The following RREB1 variants were observed in gnomAD, a reference collection of about 807,000 sequenced individuals.
The protein encoded by RREB1 is ras responsive element binding protein 1.
In RREB1, 27 loss-of-function variants were observed where a neutral mutation model predicts 117.8. The ratio of observed to expected loss-of-function variants is 0.23; its 90% CI spans 0.17 to 0.32. RREB1 has a LOEUF of 0.32. RREB1 is among the 10% of genes least tolerant of loss of function. The probability of loss-of-function intolerance (pLI) is 1.00; values close to 1 mark genes in which losing one functional copy is unlikely to be tolerated. For missense variants in RREB1, 2,577 were observed against 2,378.2 expected, an observed-to-expected ratio of 1.08 and a Z score of -1.74; for synonymous variants, 1,298 against 1,026.7, an observed-to-expected ratio of 1.26 and a Z score of -5.05.
At chr6:7,151,962 G>A (rs1249015195) in intron 1 of RREB1, among the ~76,000 whole-genome samples, 3 of 152,240 alleles carry the variant, frequency 2.0e-5, no homozygotes, top group Non-Finnish European at 4.4e-5. Flanking sequence ...GAAACTATGT[G>A]AAATCACTTT....
At chr6:7,183,333 C>G (rs1482725035) in intron 4 of RREB1, 5 of 152,232 alleles carry the variant, frequency 3.3e-5, no homozygotes, top group Non-Finnish European at 7.3e-5. Context: ...TATTTCCACT[C>G]TCATGTGACT....
intron 6 of RREB1, among the ~76,000 whole-genome samples, chr6:7,200,242 ATATG>A (rs1160759073): frequency 1.2e-3 from 129 of 104,446 alleles, no homozygotes; most frequent in Non-Finnish European, 2.0e-3. Flanking sequence ...GTATGTGTGT[ATATG>A]TGTGTGTGTG....
At chr6:7,109,031 G>T (rs559579354) in intron 1 of RREB1, among the ~76,000 whole-genome samples, 4 of 151,656 alleles carry the variant, frequency 2.6e-5, no homozygotes, top group South Asian at 2.1e-4. Context: ...GGGCGGGGGG[G>T]GTGGGGGGCT....
intron 1 of RREB1, among the ~76,000 whole-genome samples, chr6:7,132,153 C>G (rs1056205384): frequency 2.0e-5 from 3 of 152,306 alleles, no homozygotes; most frequent in Middle Eastern, 3.4e-3. Context: ...CTCCCGGGTT[C>G]AAGCGATTCT....
rs137865650 is a variant in RREB1, at chr6:7,117,912, T to C, written c.-285+9852T>C. On this transcript the variant is annotated intron_variant, in intron 1 of 12. Coordinates refer to ENST00000379938, the MANE Select transcript of RREB1 (RefSeq NM_001003699.4). The stretch of plus-strand genomic sequence containing the variant: ...ATTTAAAAAAGCAAAAAGAAGAAAA[T>C]GACATAGTGTGTGGAAGTTCTTGGT... 1.0e-3 allele frequency among the ~76,000 whole-genome samples: 159 copies of C among 152,026 alleles called. 1 individual carries two copies. Among genetic ancestry groups the C allele is most frequent in the African/African-American group, 3.7e-3 (152 of 41,454 alleles).
chr6:7,110,628 G>C (rs1761096589), intron 1 of RREB1, among the ~76,000 whole-genome samples: 1 of 152,090 alleles, frequency 6.6e-6, no homozygotes, highest in South Asian at 2.1e-4. Context: ...TTTTAAATGT[G>C]TTAAAAAAAT....
rs563589962 is a variant in RREB1, at chr6:7,231,813, G to A, written c.3714G>A (p.Ser1238=). Residue 1238 remains serine, a synonymous_variant, in exon 10 of 13, where the codon TCG becomes TCA. Coordinates refer to ENST00000379938, the MANE Select transcript of RREB1 (RefSeq NM_001003699.4). ...EDKLLRAKRN[S]YTNCLQKITC... is the part of the protein sequence containing the mutation. ...AGCTGCTGAGGGCCAAGCGGAACTC[G>A]TACACCAACTGCCTGCAGAAGATCA... 3.2e-5 allele frequency: 51 copies of A among 1,613,656 alleles called. 1 individual carries two copies. The highest frequency in any genetic ancestry group is 2.3e-4 in the African/African-American group (17 of 75,042).
rs557555160 is a variant in RREB1 at position 7,234,542 on chromosome 6, C to T, written c.3808+2635C>T. Among the ~76,000 whole-genome samples the T allele has an allele frequency of 2.9e-4, 44 of 152,348 alleles. No homozygotes were observed. In the South Asian group the frequency reaches 9.1e-3, roughly 32 times the overall value. On this transcript the variant is annotated intron_variant, in intron 10 of 12. Transcript: ENST00000379938. Reference sequence around the variant, plus strand: ...TCAGTGTTGGTTTAAAATTTAGTAGCATCTGAAACTGAGCAAGAAAGCAGG... The same window carrying T: ...TCAGTGTTGGTTTAAAATTTAGTAGTATCTGAAACTGAGCAAGAAAGCAGG...
intron 11 of RREB1, among the ~76,000 whole-genome samples, chr6:7,242,700 A>AGGG (rs77140508): frequency 0.021 from 2,765 of 134,448 alleles, 36 homozygotes; most frequent in South Asian, 0.039. Flanking sequence ...CTTAAAAAAA[A>AGGG]GGGGGGGGGG....
intron 1 of RREB1, among the ~76,000 whole-genome samples, chr6:7,156,520 C>T (rs1763371181): frequency 6.6e-6 from 1 of 152,216 alleles, no homozygotes; most frequent in Non-Finnish European, 1.5e-5. Flanking sequence ...ACCTTCCGCA[C>T]TGAGCCACAT....
At chr6:7,147,456 A>T (rs1245597803) in intron 1 of RREB1, among the ~76,000 whole-genome samples, 1 of 152,152 alleles carries the variant, frequency 6.6e-6, no homozygotes, top group Non-Finnish European at 1.5e-5. Context: ...ACGTGTGTAG[A>T]TAACCTTTGA....
At chr6:7,242,751 C>T (rs949746454) in intron 11 of RREB1, among the ~76,000 whole-genome samples, 5 of 147,508 alleles carry the variant, frequency 3.4e-5, no homozygotes, top group African/African-American at 1.0e-4. Flanking sequence ...GTTTTCTAGG[C>T]TTGTATGCCT....
chr6:7,173,575 T>C (rs940540119), intron 1 of RREB1, among the ~76,000 whole-genome samples: 2 of 150,518 alleles, frequency 1.3e-5, no homozygotes, highest in African/African-American at 4.9e-5. Context: ...GGCGGGTAGA[T>C]CACTTGAGGC....
rs1397444555 is a variant in RREB1, at chr6:7,229,874, T to C, written c.1775T>C (p.Met592Thr). Residue 592 changes from methionine to threonine, a missense_variant, in exon 10 of 13, where the codon ATG (methionine) becomes ACG (threonine). Met to Thr is a moderately conservative substitution (Grantham distance 81). Coordinates refer to ENST00000379938, the MANE Select transcript of RREB1 (RefSeq NM_001003699.4). This position sits in a 1 kb window ranked among gnomAD's most constrained non-coding sequence, Gnocchi z 4.5. ...PRAELPGQPEMKTQLEQDSII... is the reference protein window; with the variant it reads ...PRAELPGQPETKTQLEQDSII... ...GCGGAGCTGCCGGGCCAGCCTGAGATGAAGACGCAGCTGGAGCAGGACAGC... is the reference window on the plus strand; with the variant it reads ...GCGGAGCTGCCGGGCCAGCCTGAGACGAAGACGCAGCTGGAGCAGGACAGC... 1.9e-6 allele frequency: 3 copies of C among 1,610,756 alleles called. No homozygotes were observed. Among genetic ancestry groups the C allele is most frequent in the Non-Finnish European group, 2.5e-6 (3 of 1,178,552 alleles).
intron 8 of RREB1, chr6:7,214,886 C>T (rs1464981993): frequency 6.6e-6 from 1 of 152,246 alleles, no homozygotes; most frequent in African/African-American, 2.4e-5. Flanking sequence ...TCATATAAAT[C>T]TCAACTCCAT....
chr6:7,114,761 A>T (rs1472955963), intron 1 of RREB1, among the ~76,000 whole-genome samples: 3 of 152,226 alleles, frequency 2.0e-5, no homozygotes, highest in African/African-American at 7.2e-5. Flanking sequence ...TTCACAGAAA[A>T]TTTGGGGTTG....
At chr6:7,204,039 G>A (rs1440580615) in intron 6 of RREB1, among the ~76,000 whole-genome samples, 2 of 152,210 alleles carry the variant, frequency 1.3e-5, no homozygotes, top group African/African-American at 2.4e-5. Flanking sequence ...CCTGGCTGAC[G>A]GCATTCCCAC....
rs1248013321 is a variant in RREB1 at position 7,230,367 on chromosome 6, G to T, written c.2268G>T (p.Arg756=). 1 of 1,592,118 alleles carries T rather than the reference G, an allele frequency of 6.3e-7. No homozygotes were observed. Among genetic ancestry groups the T allele is most frequent in the Non-Finnish European group, 8.5e-7 (1 of 1,174,116 alleles). ...TCTGCGCCCCGGACACCGTGTGCCG[G>T]CTGTGCGGCGAGGACCTCAAGCACT... The part of the protein sequence containing the change: ...DAFCAPDTVC[R]LCGEDLKHYR... Residue 756 remains arginine, a synonymous_variant, in exon 10 of 13, where the codon CGG becomes CGT. Transcript: ENST00000379938.
chr6:7,166,475 G>A (rs915692601), intron 1 of RREB1, among the ~76,000 whole-genome samples: 1 of 152,202 alleles, frequency 6.6e-6, no homozygotes, highest in African/African-American at 2.4e-5. Context: ...GTTTTCTGTT[G>A]TATGGCGGAG....
Sources: allele counts gnomAD v4.1 joint callset (sites outside exome capture counted in the v4.1 genomes callset), GRCh38; gene constraint gnomAD v4.1.1; non-coding constraint Gnocchi (gnomAD v3.1); transcripts MANE v1.5; gene names NCBI Gene and HGNC (gene_info 2026-07-23, HGNC 2026-07-21).